PBX3: variants seen among roughly 807,000 people sequenced by gnomAD.
PBX3 encodes the protein PBX homeobox 3.
A neutral mutation model predicts 48.5 loss-of-function variants in PBX3; 14 were observed. The observed-to-expected ratio is 0.29, with a 90% CI of 0.19 to 0.45. The LOEUF (loss-of-function observed/expected upper bound fraction) is 0.45. Among genes scored for constraint, PBX3 ranks in the 20% least tolerant of loss-of-function variants. The pLI, the probability that PBX3 is intolerant of heterozygous loss-of-function variation, is 1.00. For synonymous variants in PBX3, 210 were observed against 200.3 expected (o/e 1.05, Z -0.41); for missense variants, 386 against 546.7 (o/e 0.71, Z 2.93).
At chr9:125,835,927 A>C (rs1839120535) in intron 2 of PBX3, among the ~76,000 whole-genome samples, 2 of 152,246 alleles carry the variant, frequency 1.3e-5, no homozygotes, top group African/African-American at 4.8e-5. Context: ...TTCAAATAGC[A>C]AGATATAGAA....
At chr9:125,747,972 C>G (rs1360824782) in intron 1 of PBX3, among the ~76,000 whole-genome samples, 1 of 151,564 alleles carries the variant, frequency 6.6e-6, no homozygotes, top group Non-Finnish European at 1.5e-5. Context: ...CCGTGCGGGC[C>G]GCGCCGCCGG....
chr9:125,900,236 CT>C (rs35208067), intron 2 of PBX3, among the ~76,000 whole-genome samples: 41,131 of 135,488 alleles, frequency 0.3, 6,607 homozygotes, highest in Non-Finnish European at 0.36. Flanking sequence ...ACATCCCGCC[CT>C]TTTTTTTTTT....
intron 2 of PBX3, among the ~76,000 whole-genome samples, chr9:125,817,685 G>C (rs1838506652): frequency 1.3e-5 from 2 of 152,110 alleles, no homozygotes; most frequent in Admixed American, 6.5e-5. Context: ...TTAAGTTTGG[G>C]AATTTTCATT....
Position 125,881,274 on chromosome 9 carries a change from G to A in PBX3, c.275-34412G>A, listed in dbSNP as rs28402782. ...ATGGAAAGTGACATGGCAGAGCTTG[G>A]CAGCTGGCATCAAGGCAAGGTGACA... On this transcript the variant is annotated intron_variant, in intron 2 of 8. Coordinates refer to ENST00000373489, the MANE Select transcript of PBX3 (RefSeq NM_006195.6). Among the ~76,000 whole-genome samples the A allele has an allele frequency of 5.6e-3, 852 of 152,322 alleles. 8 individuals carry two copies. Among genetic ancestry groups the A allele is most frequent in the African/African-American group, 0.019 (807 of 41,568 alleles).
chr9:125,827,155 A>C (rs1054918328), intron 2 of PBX3, among the ~76,000 whole-genome samples: 4 of 152,208 alleles, frequency 2.6e-5, no homozygotes, highest in Non-Finnish European at 5.9e-5. Flanking sequence ...TAACCCAATA[A>C]AATTATGCAG....
chr9:125,946,558 T>A (rs1668954315), intron 5 of PBX3, among the ~76,000 whole-genome samples: 1 of 152,070 alleles, frequency 6.6e-6, no homozygotes, highest in African/African-American at 2.4e-5. Flanking sequence ...CAAATAAAAA[T>A]GTTAGAATCA....
At chr9:125,935,419 C>G in intron 4 of PBX3, 53 bp from the exon 5 acceptor site, 1 of 1,557,522 alleles carries the variant, frequency 6.4e-7, no homozygotes, top group African/African-American at 1.4e-5. Flanking sequence ...ACCCATCCCT[C>G]TTAGGTTAAT....
chr9:125,781,737 T>G (rs1031315122), intron 2 of PBX3, among the ~76,000 whole-genome samples: 1 of 152,224 alleles, frequency 6.6e-6, no homozygotes, highest in African/African-American at 2.4e-5. Context: ...TCTGCTAGAT[T>G]TGGGCTTAAT....
chr9:125,756,299 C>A (rs1836516739), intron 2 of PBX3, among the ~76,000 whole-genome samples: 1 of 151,990 alleles, frequency 6.6e-6, no homozygotes, highest in Non-Finnish European at 1.5e-5. Context: ...CTAAGCTAGG[C>A]CTCTGAATTT....
intron 2 of PBX3, among the ~76,000 whole-genome samples, 159 bp from the exon 3 acceptor site, chr9:125,915,527 T>C (rs1387020233): frequency 1.3e-5 from 2 of 152,200 alleles, no homozygotes; most frequent in African/African-American, 4.8e-5. Flanking sequence ...TTCATACTTA[T>C]TCAAACTTAC....
At chr9:125,867,957 C>T (rs1163276136) in intron 2 of PBX3, among the ~76,000 whole-genome samples, 2 of 152,064 alleles carry the variant, frequency 1.3e-5, no homozygotes, top group Non-Finnish European at 2.9e-5. Context: ...TTCACTGCAA[C>T]CCTGACCTCC....
intron 2 of PBX3, among the ~76,000 whole-genome samples, chr9:125,794,676 A>AG (rs1429200144): frequency 4.6e-5 from 7 of 150,658 alleles, no homozygotes; most frequent in Non-Finnish European, 7.4e-5. Flanking sequence ...TGGTCTATGA[A>AG]GGGAAAGTAG....
At chr9:125,810,804 T>C (rs1564667601) in intron 2 of PBX3, among the ~76,000 whole-genome samples, 1 of 152,166 alleles carries the variant, frequency 6.6e-6, no homozygotes. Context: ...CTGTGTGGAA[T>C]CTGTCCTGAT....
At chr9:125,779,970 C>G (rs1254327258) in intron 2 of PBX3, among the ~76,000 whole-genome samples, 1 of 113,288 alleles carries the variant, frequency 8.8e-6, no homozygotes. Flanking sequence ...GACGGGGCGG[C>G]TGGCCGGGCA....
At chr9:125,954,317 T>G (rs970514722) in intron 5 of PBX3, among the ~76,000 whole-genome samples, 1 of 152,220 alleles carries the variant, frequency 6.6e-6, no homozygotes, top group African/African-American at 2.4e-5. Flanking sequence ...TTAAACTAAC[T>G]ATAATGATGG....
At chr9:125,881,712 C>A (rs1277245372) in intron 2 of PBX3, among the ~76,000 whole-genome samples, 1 of 152,018 alleles carries the variant, frequency 6.6e-6, no homozygotes, top group African/African-American at 2.4e-5. Context: ...CTTGGAACTC[C>A]AGGCCTCAAG....
intron 5 of PBX3, among the ~76,000 whole-genome samples, chr9:125,951,533 A>G (rs1277548298): frequency 6.6e-6 from 1 of 152,180 alleles, no homozygotes; most frequent in Non-Finnish European, 1.5e-5. Context: ...TGTGTATGCC[A>G]TTGGCCTTCA....
chr9:125,844,299 T>G (rs1358658876), intron 2 of PBX3, among the ~76,000 whole-genome samples: 5 of 151,586 alleles, frequency 3.3e-5, no homozygotes, highest in African/African-American at 1.2e-4. Context: ...CCTTTTTTTT[T>G]TTTTTTTAAA....
chr9:125,755,827 A>G (rs527632990), intron 2 of PBX3, among the ~76,000 whole-genome samples: 18 of 152,074 alleles, frequency 1.2e-4, no homozygotes, highest in African/African-American at 4.3e-4. Context: ...TCTGAATATT[A>G]ATTGACCTAA....
Sources: allele counts gnomAD v4.1 joint callset (sites outside exome capture counted in the v4.1 genomes callset), GRCh38; gene constraint gnomAD v4.1.1; transcripts MANE v1.5; gene names NCBI Gene and HGNC (gene_info 2026-07-23, HGNC 2026-07-21).